The following RBFOX1 variants were observed in gnomAD, a reference collection of about 807,000 sequenced individuals.
RBFOX1 encodes the protein RNA binding protein fox-1 homolog 1.
Under a neutral mutation model 57.7 loss-of-function variants are expected in RBFOX1, and 8 were observed. The observed-to-expected ratio is 0.14, with a 90% CI of 0.08 to 0.25. The LOEUF (loss-of-function observed/expected upper bound fraction) is 0.25. RBFOX1 is among the 10% of genes least tolerant of loss of function. The pLI is 1.00. For synonymous variants in RBFOX1, 326 were observed against 222.4 expected (o/e 1.47, Z -4.15); for missense variants, 611 against 548.5 (o/e 1.11, Z -1.14).
intron 1 of RBFOX1, among the ~76,000 whole-genome samples, chr16:5,343,957 G>A (rs2065087568): frequency 6.6e-6 from 1 of 152,164 alleles, no homozygotes. Context: ...AAGAACGCTT[G>A]AGCATATGTA....
At chr16:5,345,827 A>G (rs1410579304) in intron 1 of RBFOX1, among the ~76,000 whole-genome samples, 1 of 152,138 alleles carries the variant, frequency 6.6e-6, no homozygotes, top group East Asian at 1.9e-4. Context: ...TAATGCCTGG[A>G]CTTAAAGGAA....
intron 1 of RBFOX1, among the ~76,000 whole-genome samples, chr16:5,276,407 A>C (rs1404248474): frequency 1.3e-5 from 2 of 152,238 alleles, no homozygotes; most frequent in African/African-American, 4.8e-5. Context: ...ACAAATGGCC[A>C]ACAAACATAT....
At chr16:6,048,921 T>C (rs1177291091) in intron 1 of RBFOX1, among the ~76,000 whole-genome samples, 1 of 152,128 alleles carries the variant, frequency 6.6e-6, no homozygotes, top group Admixed American at 6.6e-5. Context: ...AGATGCTGAG[T>C]TCTAGCTATA....
intron 3 of RBFOX1, among the ~76,000 whole-genome samples, chr16:6,959,544 G>GGTCT (rs1490994456): frequency 2.0e-5 from 3 of 152,030 alleles, no homozygotes; most frequent in African/African-American, 7.3e-5. Flanking sequence ...TTTGGACCCA[G>GGTCT]GTCTCAGTGA....
intron 1 of RBFOX1, among the ~76,000 whole-genome samples, chr16:6,293,398 A>G (rs1490223311): frequency 6.6e-6 from 1 of 152,066 alleles, no homozygotes; most frequent in African/African-American, 2.4e-5. Flanking sequence ...TTTCCCTCAA[A>G]TATTCCTATC....
intron 2 of RBFOX1, among the ~76,000 whole-genome samples, chr16:5,543,362 A>C (rs1267100898): frequency 6.6e-6 from 1 of 152,174 alleles, no homozygotes; most frequent in Non-Finnish European, 1.5e-5. Flanking sequence ...AAAACTCTAG[A>C]GATAGAACTC....
At chr16:6,924,232 A>G (rs2075097388) in intron 3 of RBFOX1, among the ~76,000 whole-genome samples, 1 of 152,008 alleles carries the variant, frequency 6.6e-6, no homozygotes, top group Admixed American at 6.6e-5. Context: ...TTTATAAAGA[A>G]AAGAGGTTTA....
At chr16:5,788,156 C>T (rs1044156782) in intron 3 of RBFOX1, among the ~76,000 whole-genome samples, 3 of 152,200 alleles carry the variant, frequency 2.0e-5, no homozygotes, top group African/African-American at 7.2e-5. Flanking sequence ...TCTGGCCATG[C>T]TGGAGGTTGC....
At chr16:5,337,519 A>C (rs1457947221) in intron 1 of RBFOX1, among the ~76,000 whole-genome samples, 1 of 152,212 alleles carries the variant, frequency 6.6e-6, no homozygotes, top group Non-Finnish European at 1.5e-5. Flanking sequence ...ACCTAATATT[A>C]CTGTCAGTTT....
At chr16:6,279,580 T>A (rs560948758) in intron 1 of RBFOX1, among the ~76,000 whole-genome samples, 2 of 152,210 alleles carry the variant, frequency 1.3e-5, no homozygotes, top group Non-Finnish European at 2.9e-5. Flanking sequence ...AATACAGATC[T>A]GATTATCTAT....
chr16:6,652,937 T>G (rs562188275), intron 2 of RBFOX1, among the ~76,000 whole-genome samples: 3 of 152,306 alleles, frequency 2.0e-5, no homozygotes, highest in Non-Finnish European at 4.4e-5. Context: ...GTAATAAAAC[T>G]CTGAGTGGTT....
At chr16:5,492,247 G>A (rs2042859828) in intron 2 of RBFOX1, among the ~76,000 whole-genome samples, 1 of 152,196 alleles carries the variant, frequency 6.6e-6, no homozygotes, top group African/African-American at 2.4e-5. Context: ...CTGATGAGAG[G>A]AAACCCACAG....
chr16:5,269,823 C>T (rs2062959701), intron 1 of RBFOX1, among the ~76,000 whole-genome samples: 1 of 152,024 alleles, frequency 6.6e-6, no homozygotes, highest in South Asian at 2.1e-4. Context: ...GAAAAACAGC[C>T]CAAGTTGCAA....
chr16:6,949,305 T>C (rs1321608664), intron 3 of RBFOX1, among the ~76,000 whole-genome samples: 1 of 152,192 alleles, frequency 6.6e-6, no homozygotes. Flanking sequence ...GAAAGACATG[T>C]ACCAGTTAGT....
intron 3 of RBFOX1, among the ~76,000 whole-genome samples, chr16:6,773,527 A>C (rs894256449): frequency 1.3e-4 from 14 of 108,484 alleles, no homozygotes; most frequent in Non-Finnish European, 2.3e-4. Context: ...AGTTGGTTGC[A>C]TTTGTGTTGG....
intron 3 of RBFOX1, among the ~76,000 whole-genome samples, chr16:5,730,501 C>G (rs1454194058): frequency 6.6e-6 from 1 of 152,144 alleles, no homozygotes; most frequent in African/African-American, 2.4e-5. Flanking sequence ...AAGATTTGAC[C>G]AACTAGCTTA....
At chr16:5,661,374 G>A (rs2049643240) in intron 3 of RBFOX1, among the ~76,000 whole-genome samples, 1 of 152,208 alleles carries the variant, frequency 6.6e-6, no homozygotes, top group Admixed American at 6.5e-5. Flanking sequence ...TGTGTGTGGT[G>A]TGTATATAAG....
intron 4 of RBFOX1, chr16:7,422,848 T>A (rs990938508): frequency 6.6e-6 from 1 of 152,192 alleles, no homozygotes; most frequent in African/African-American, 2.4e-5. Context: ...GCCTTATTTT[T>A]TTTCTTTGCC....
At chr16:6,188,802 C>G (rs1385989809) in intron 1 of RBFOX1, among the ~76,000 whole-genome samples, 1 of 152,166 alleles carries the variant, frequency 6.6e-6, no homozygotes, top group African/African-American at 2.4e-5. Flanking sequence ...CTTCCTACCG[C>G]TGATACTTTG....
Sources: gnomAD v4.1 joint callset for allele counts (sites outside exome capture counted in the v4.1 genomes callset) on GRCh38, gnomAD v4.1.1 for gene constraint, MANE v1.5 for transcripts, NCBI Gene and HGNC (gene_info 2026-07-23, HGNC 2026-07-21) for gene names.